Variants in AKAP7 observed in about 807,000 individuals in gnomAD.
AKAP7 encodes the protein A kinase (PRKA) anchor protein 7.
In AKAP7, 39 loss-of-function variants were observed where a neutral mutation model predicts 39.5. The ratio of observed to expected loss-of-function variants is 0.99; its 90% confidence interval spans 0.76 to 1.29. The LOEUF (loss-of-function observed/expected upper bound fraction) is 1.29, where lower values mean the gene tolerates loss of function less well. AKAP7 is among the 50% of genes most tolerant of loss of function. The probability of loss-of-function intolerance (pLI) is 0.00; values close to 1 mark genes in which losing one functional copy is unlikely to be tolerated. For synonymous variants in AKAP7, 140 were observed against 139.1 expected (o/e 1.01, Z -0.05); for missense variants, 414 against 407.7 (o/e 1.02, Z -0.13).
chr6:131,185,996 G>A (rs951990943), intron 5 of AKAP7, among the ~76,000 whole-genome samples: 1 of 152,118 alleles, frequency 6.6e-6, no homozygotes, highest in African/African-American at 2.4e-5. Flanking sequence ...TTTTGTATAT[G>A]GTGTAAGGTG....
In AKAP7 at chr6:131,282,717, A is replaced by G. The variant is rs1815301742; in HGVS notation, c.*991A>G. On this transcript the variant is annotated 3_prime_UTR_variant, in exon 8 of 8. Transcript: ENST00000431975. ...ATAGTGTCTGCACAACAGCAAACCA[A>G]CATTTGGTGAGGAATTAGCAATTTC... is the stretch of plus-strand genomic sequence containing the variant. The G allele has an allele frequency of 1.2e-6, 1 of 813,178 alleles. No homozygotes were observed. Among genetic ancestry groups the G allele is most frequent in the Non-Finnish European group, 1.8e-6 (1 of 568,946 alleles). 50.4% of individuals were successfully genotyped at this position (813,178 alleles called of 1,614,324 possible). A position where few individuals can be genotyped will look rare whatever the true frequency, so the allele number is the denominator to read the frequency against.
Position 131,160,146 on chromosome 6 carries a change from G to A in AKAP7, c.239G>A (p.Arg80Lys). 1.2e-6 allele frequency: 2 copies of A among 1,611,912 alleles called. No homozygotes were observed. The highest frequency in any genetic ancestry group is 8.5e-7 in the Non-Finnish European group (1 of 1,179,488). Residue 80 changes from arginine (R) to lysine (K), a missense_variant, in exon 3 of 8, where the codon AGA becomes AAA. Coordinates refer to ENST00000431975, the MANE Select transcript of AKAP7 (RefSeq NM_016377.4). ...SDQVKKRKKK[R>K]KDYQPNYFLS... ...CAAGTAAAGAAGAGGAAAAAAAAGA[G>A]AAAAGATTATCAACCCAACTATTTC...
chr6:131,181,991 T>C (rs1270119395), intron 5 of AKAP7, among the ~76,000 whole-genome samples: 1 of 151,996 alleles, frequency 6.6e-6, no homozygotes, highest in African/African-American at 2.4e-5. Flanking sequence ...CCAGGCATGG[T>C]GGTGGGTACC....
intron 7 of AKAP7, among the ~76,000 whole-genome samples, chr6:131,236,919 C>A (rs4626443): frequency 6.6e-6 from 1 of 152,020 alleles, no homozygotes; most frequent in Admixed American, 6.5e-5. Context: ...CCTGATTGCC[C>A]TGGCCAGAAC....
intron 2 of AKAP7, among the ~76,000 whole-genome samples, chr6:131,148,243 C>T (rs1258081384): frequency 7.2e-5 from 11 of 152,306 alleles, no homozygotes; most frequent in African/African-American, 2.4e-4. Context: ...CTAATATATA[C>T]GCTTTTTGAT....
intron 2 of AKAP7, among the ~76,000 whole-genome samples, chr6:131,155,891 T>G (rs890862651): frequency 2.6e-5 from 4 of 152,068 alleles, no homozygotes; most frequent in Admixed American, 6.6e-5. Flanking sequence ...ACCCTAGGAG[T>G]CTTTGAATTT....
At chr6:131,131,463 CTTTCTT>C (rs1271575895), upstream of AKAP7, among the ~76,000 whole-genome samples, 9 of 85,246 alleles carry the variant, frequency 1.1e-4, no homozygotes, top group African/African-American at 2.0e-4. Flanking sequence ...GTTTCTCTTT[CTTTCTT>C]TTTTTTTTTT....
At chr6:131,250,484 C>T in intron 7 of AKAP7, 1 of 1,603,086 alleles carries the variant, frequency 6.2e-7, no homozygotes, top group Non-Finnish European at 8.5e-7. Flanking sequence ...GCAGGGTGTG[C>T]TCGCAGACTG....
chr6:131,222,325 A>C (rs1459627880), intron 7 of AKAP7, among the ~76,000 whole-genome samples: 1 of 152,178 alleles, frequency 6.6e-6, no homozygotes, highest in African/African-American at 2.4e-5. Context: ...GGAGATCGAG[A>C]CCATCCTGGC....
chr6:131,153,422 T>C (rs1802122457), intron 2 of AKAP7, among the ~76,000 whole-genome samples: 1 of 152,266 alleles, frequency 6.6e-6, no homozygotes, highest in Non-Finnish European at 1.5e-5. Flanking sequence ...CATGTCCTAC[T>C]TTATTTTTGC....
rs537520534 is a variant in AKAP7, at chr6:131,222,396, G to A, written c.850+2588G>A. Among the ~76,000 whole-genome samples the A allele has an allele frequency of 4.6e-5, 7 of 152,056 alleles. No individual in the cohort carries two copies. In the South Asian group the frequency reaches 6.3e-4, roughly 14 times the overall value. The stretch of plus-strand genomic sequence containing the variant: ...AAAAATACTAGCCGGGCGTGGTGGC[G>A]GGCGCCTGTAGTCCCAGCTACTCGG... On this transcript the variant is annotated intron_variant, in intron 7 of 7. Coordinates refer to ENST00000431975, the MANE Select transcript of AKAP7 (RefSeq NM_016377.4).
chr6:131,199,656 G>A (rs924730156), intron 6 of AKAP7, 83 bp downstream of exon 6: 5 of 1,125,908 alleles, frequency 4.4e-6, no homozygotes, highest in East Asian at 4.9e-5. Flanking sequence ...TGACATTGCT[G>A]TGGTCTCTGA....
chr6:131,150,777 C>T lies in AKAP7; in HGVS notation c.151+5361C>T, dbSNP rs148604800. Reference sequence around the variant, plus strand: ...TTCCAGGCTCAAGTTCATTCATTATCGATGACATTGACATTGGCATAATAA... The same window carrying T: ...TTCCAGGCTCAAGTTCATTCATTATTGATGACATTGACATTGGCATAATAA... On this transcript the variant is annotated intron_variant, in intron 2 of 7. Coordinates refer to ENST00000431975, the MANE Select transcript of AKAP7 (RefSeq NM_016377.4). 1.6e-3 allele frequency among the ~76,000 whole-genome samples: 250 copies of T among 152,196 alleles called. 1 individual carries two copies. The highest frequency in any genetic ancestry group is 3.9e-3 in the South Asian group (19 of 4,818).
rs191027308 is a variant in AKAP7, at chr6:131,167,421, C to T, written c.429-1692C>T. 1.6e-4 allele frequency among the ~76,000 whole-genome samples: 25 copies of T among 152,252 alleles called. 1 individual carries two copies. In the East Asian group the frequency reaches 3.9e-3, roughly 24 times the overall value. On this transcript the variant is annotated intron_variant, in intron 4 of 7. Transcript: ENST00000431975. ...GAAAAGTCTTAACCTTTCTCATGGT[C>T]TGCTTTAACATATAGTTTCATTTAA...
chr6:131,256,070 G>C (rs149772991), intron 7 of AKAP7, among the ~76,000 whole-genome samples: 1 of 152,176 alleles, frequency 6.6e-6, no homozygotes, highest in Non-Finnish European at 1.5e-5. Context: ...ACAGTCTCCC[G>C]GGGTGCCATG....
upstream of AKAP7, among the ~76,000 whole-genome samples, chr6:131,130,978 G>A (rs1800315097): frequency 6.6e-6 from 1 of 152,168 alleles, no homozygotes; most frequent in Non-Finnish European, 1.5e-5. Context: ...AAAACATTTA[G>A]ATGTTAAAGT....
Position 131,160,053 on chromosome 6 carries a change from C to A in AKAP7, c.152-6C>A, listed in dbSNP as rs750535918. Reference sequence around the variant, plus strand: ...TTAGACGTATTGTTTGACTTTTTTCCTCTAGTCACTGATGAACCTCAAATA... The same window carrying A: ...TTAGACGTATTGTTTGACTTTTTTCATCTAGTCACTGATGAACCTCAAATA... On this transcript the variant is annotated splice_region_variant and splice_polypyrimidine_tract_variant and intron_variant, in intron 2 of 7. Coordinates refer to ENST00000431975, the MANE Select transcript of AKAP7 (RefSeq NM_016377.4). The A allele has an allele frequency of 5.1e-6, 8 of 1,568,400 alleles. 1 individual carries two copies. Among genetic ancestry groups the A allele is most frequent in the South Asian group, 2.4e-5 (2 of 82,476 alleles).
intron 2 of AKAP7, among the ~76,000 whole-genome samples, chr6:131,153,055 A>G (rs1000979322): frequency 2.8e-5 from 4 of 145,138 alleles, no homozygotes; most frequent in East Asian, 4.3e-4. Flanking sequence ...GCGTGAACCC[A>G]GGAGGTGGAG....
At chr6:131,227,903 A>AGTCTTAAAAGGCTTGTTG (rs1810315115) in intron 7 of AKAP7, among the ~76,000 whole-genome samples, 2 of 152,158 alleles carry the variant, frequency 1.3e-5, no homozygotes, top group Admixed American at 6.5e-5. Flanking sequence ...AAGGCTTGCT[A>AGTCTTAAAAGGCTTGTTG]GTCTTAAAAG....
Sources: allele counts gnomAD v4.1 joint callset (sites outside exome capture counted in the v4.1 genomes callset), GRCh38; gene constraint gnomAD v4.1.1; transcripts MANE v1.5; gene names NCBI Gene and HGNC (gene_info 2026-07-23, HGNC 2026-07-21).